Variants in GRAP2 observed in about 807,000 individuals in gnomAD.
GRAP2 encodes GRB2 related adaptor protein 2, also known as GRB2-related adapter protein 2.
In GRAP2, 31 loss-of-function variants were observed where a neutral mutation model predicts 43.5. The observed-to-expected ratio is 0.71, with a 90% CI of 0.54 to 0.96. The LOEUF (loss-of-function observed/expected upper bound fraction) is 0.96. Ranked by LOEUF, GRAP2 falls within the 40% of genes least tolerant of loss-of-function variation. The pLI is 0.00. For missense variants in GRAP2, 371 were observed against 424.4 expected (o/e 0.87, Z 1.11); for synonymous variants, 156 against 164.8 (o/e 0.95, Z 0.41).
At chr22:39,966,419 A>G (rs2067174812) in intron 5 of GRAP2, among the ~76,000 whole-genome samples, 1 of 152,220 alleles carries the variant, frequency 6.6e-6, no homozygotes, top group African/African-American at 2.4e-5. Flanking sequence ...AGGTTGGAGA[A>G]GATAATGTAT....
chr22:39,936,831 T>C (rs1367752553), intron 1 of GRAP2, among the ~76,000 whole-genome samples: 1 of 152,234 alleles, frequency 6.6e-6, no homozygotes, highest in African/African-American at 2.4e-5. Context: ...GTCTGAGGTC[T>C]GCCAGGTCGA....
At chr22:39,960,691 C>T (rs1297080059) in intron 4 of GRAP2, 1 of 154,154 alleles carries the variant, frequency 6.5e-6, no homozygotes, top group Non-Finnish European at 1.4e-5. Flanking sequence ...TGGCACCTTT[C>T]TTTGCCCATC....
chr22:39,958,796 G>A (rs1030200852), intron 3 of GRAP2, among the ~76,000 whole-genome samples: 1 of 152,160 alleles, frequency 6.6e-6, no homozygotes, highest in Admixed American at 6.5e-5. Flanking sequence ...CGTGGCAGTG[G>A]TGTGTGTGGT....
At chr22:39,940,905 T>G (rs1031787980) in intron 1 of GRAP2, among the ~76,000 whole-genome samples, 13 of 152,196 alleles carry the variant, frequency 8.5e-5, no homozygotes, top group African/African-American at 3.1e-4. Flanking sequence ...AGTTAAAGGT[T>G]ACCGGGACTC....
chr22:39,915,313 G>C (rs1007330622), intron 1 of GRAP2, among the ~76,000 whole-genome samples: 1 of 151,956 alleles, frequency 6.6e-6, no homozygotes, highest in Non-Finnish European at 1.5e-5. Flanking sequence ...CACTGCTCAA[G>C]GTAAACACCC....
In GRAP2 at chr22:39,944,101, C is replaced by T. The variant is rs143224675; in HGVS notation, c.-14-2992C>T. 3.6e-3 allele frequency among the ~76,000 whole-genome samples: 541 copies of T among 152,214 alleles called. 3 individuals carry two copies. The highest frequency in any genetic ancestry group is 0.013 in the African/African-American group (521 of 41,518). ...TTGAATTCAGGCTGTTGCACTCCGC[C>T]CCCCACAACTCTGTCTAAATTGTTG... On this transcript the variant is annotated intron_variant, in intron 1 of 7. Coordinates refer to ENST00000344138, the MANE Select transcript of GRAP2 (RefSeq NM_004810.4).
chr22:39,898,610 C>T (rs1320316399), upstream of GRAP2, among the ~76,000 whole-genome samples: 2 of 152,096 alleles, frequency 1.3e-5, no homozygotes, highest in Admixed American at 6.5e-5. Context: ...GTCAGGAGTT[C>T]GAGACCAGCC....
intron 4 of GRAP2, chr22:39,960,516 G>A: frequency 4.4e-6 from 1 of 225,096 alleles, no homozygotes; most frequent in East Asian, 9.3e-5. Flanking sequence ...GAGTATTTGT[G>A]GAAGGAAGGA....
intron 1 of GRAP2, among the ~76,000 whole-genome samples, chr22:39,935,235 T>C (rs149357006): frequency 2.1e-3 from 319 of 152,314 alleles, no homozygotes; most frequent in African/African-American, 7.6e-3. Context: ...TTGTTGTGGT[T>C]CTTAGCACAG....
At chr22:39,935,470 A>G (rs1421126585) in intron 1 of GRAP2, among the ~76,000 whole-genome samples, 1 of 152,246 alleles carries the variant, frequency 6.6e-6, no homozygotes, top group Non-Finnish European at 1.5e-5. Flanking sequence ...AGACAAATAC[A>G]AGAGGTGTTG....
upstream of GRAP2, among the ~76,000 whole-genome samples, chr22:39,898,990 A>G (rs1245903981): frequency 2.0e-5 from 3 of 152,124 alleles, no homozygotes; most frequent in Non-Finnish European, 2.9e-5. Flanking sequence ...TCTTGCTGCT[A>G]TTTTTCTGAG....
chr22:39,899,850 G>A (rs1011465326), upstream of GRAP2, among the ~76,000 whole-genome samples: 1 of 152,120 alleles, frequency 6.6e-6, no homozygotes, highest in African/African-American at 2.4e-5. Flanking sequence ...GCCAGGCATG[G>A]TGGCAGGTAC....
chr22:39,901,874 C>T (rs533752134), intron 1 of GRAP2, among the ~76,000 whole-genome samples: 19 of 152,362 alleles, frequency 1.2e-4, no homozygotes, highest in South Asian at 4.1e-4. Flanking sequence ...TGTCTCTCTT[C>T]GTACTAGCCG....
chr22:39,904,403 G>T lies in GRAP2; in HGVS notation c.-15+3073G>T, dbSNP rs553953932. ...ATCCTGTCTCAAAAAGAGGAAAAAA[G>T]AAAAGAAAAGAAAAGATAGTGAGAA... On this transcript the variant is annotated intron_variant, in intron 1 of 7. Transcript: ENST00000344138. 7.9e-5 allele frequency among the ~76,000 whole-genome samples: 12 copies of T among 152,094 alleles called. No homozygotes were observed. The East Asian group carries it at 2.3e-3, about 29-fold the overall frequency.
chr22:39,943,195 T>C (rs2066887890), intron 1 of GRAP2, among the ~76,000 whole-genome samples: 1 of 152,246 alleles, frequency 6.6e-6, no homozygotes, highest in South Asian at 2.1e-4. Context: ...ACTTATAATC[T>C]GGGTTTCCAA....
In GRAP2 at chr22:39,969,381, G is replaced by A. The variant is rs775488404; in HGVS notation, c.691-30G>A. ...CCGGTGGGAGATGTCCTGGCAGTGGGGTGACCAGTCTTCTGTTGTATGTTT... is the reference window on the plus strand; with the variant it reads ...CCGGTGGGAGATGTCCTGGCAGTGGAGTGACCAGTCTTCTGTTGTATGTTT... On this transcript the variant is annotated intron_variant, in intron 6 of 7. Transcript: ENST00000344138. 3.7e-6 allele frequency: 6 copies of A among 1,612,508 alleles called. No homozygotes were observed. The East Asian group carries it at 1.1e-4, about 30-fold the overall frequency.
chr22:39,938,380 A>G (rs2066829208), intron 1 of GRAP2, among the ~76,000 whole-genome samples: 1 of 152,254 alleles, frequency 6.6e-6, no homozygotes, highest in Admixed American at 6.5e-5. Flanking sequence ...ATACGTCTGA[A>G]AAATACCGTA....
chr22:39,910,741 TAA>T (rs558928417), intron 1 of GRAP2, among the ~76,000 whole-genome samples: 4 of 141,478 alleles, frequency 2.8e-5, no homozygotes, highest in African/African-American at 2.6e-5. Flanking sequence ...ACTGTTGATT[TAA>T]AAAAAAAAAA....
intron 1 of GRAP2, among the ~76,000 whole-genome samples, chr22:39,918,743 A>G (rs1222307875): frequency 6.6e-6 from 1 of 152,238 alleles, no homozygotes; most frequent in Non-Finnish European, 1.5e-5. Flanking sequence ...AGCATTTGAT[A>G]GTGTGGCAAA....
Sources: gnomAD v4.1 joint callset for allele counts (sites outside exome capture counted in the v4.1 genomes callset) on GRCh38, gnomAD v4.1.1 for gene constraint, MANE v1.5 for transcripts, NCBI Gene and HGNC (gene_info 2026-07-23, HGNC 2026-07-21) for gene names.